The following OSBPL10 variants were observed in gnomAD, a reference collection of about 807,000 sequenced individuals.
The protein encoded by OSBPL10 is oxysterol binding protein like 10.
Under a neutral mutation model 81.7 loss-of-function variants are expected in OSBPL10, and 49 were observed. The observed-to-expected ratio is 0.60, with a 90% CI of 0.48 to 0.76. The LOEUF is 0.76. Ranked by LOEUF, OSBPL10 falls within the 30% of genes least tolerant of loss-of-function variation. The pLI is 0.00. For synonymous variants in OSBPL10, 419 were observed against 383.6 expected, an observed-to-expected ratio of 1.09 and a Z score of -1.08; for missense variants, 923 against 987.8, an observed-to-expected ratio of 0.93 and a Z score of 0.88.
intron 4 of OSBPL10, among the ~76,000 whole-genome samples, chr3:31,799,880 T>G (rs1699335196): frequency 6.6e-6 from 1 of 152,210 alleles, no homozygotes; most frequent in Non-Finnish European, 1.5e-5. Flanking sequence ...GGCTAATTTT[T>G]GTATTTTCAG....
chr3:31,675,618 C>T (rs1419717088), intron 8 of OSBPL10, among the ~76,000 whole-genome samples: 2 of 152,156 alleles, frequency 1.3e-5, no homozygotes, highest in Non-Finnish European at 2.9e-5. Flanking sequence ...TTTAAAGCAG[C>T]CCTCTCGATG....
chr3:31,989,575 C>G lies in OSBPL10; in HGVS notation n.298+56916G>C, dbSNP rs145325915. On this transcript the variant is annotated intron_variant and non_coding_transcript_variant, in intron 2 of 3. Transcript: ENST00000479173. The stretch of plus-strand genomic sequence containing the variant: ...AAGCTTTCATTCGCATCTTCCTGAA[C>G]TCCACATATTTCAGACCAAAGGGAA... The G allele has an allele frequency of 9.0e-5, 146 of 1,614,102 alleles. 2 individuals are homozygous for G. In the Middle Eastern group the frequency reaches 4.6e-3, roughly 51 times the overall value.
intron 10 of OSBPL10, among the ~76,000 whole-genome samples, chr3:31,667,595 T>A (rs776620784): frequency 1.3e-5 from 2 of 152,220 alleles, no homozygotes; most frequent in African/African-American, 2.4e-5. Flanking sequence ...TAACCCTGCA[T>A]CGTATTTCTA....
chr3:31,990,220 G>A (rs368691892), intron 2 of OSBPL10: 1 of 1,612,408 alleles, frequency 6.2e-7, no homozygotes, highest in Non-Finnish European at 8.5e-7. Context: ...AGCCTTTAGT[G>A]GGCAGTCAAC....
intron 1 of OSBPL10, among the ~76,000 whole-genome samples, chr3:31,972,004 TGG>T (rs1487789162): frequency 1.3e-5 from 2 of 152,150 alleles, no homozygotes; most frequent in Non-Finnish European, 2.9e-5. Context: ...CAAAAATATT[TGG>T]GGTATAAAAA....
At chr3:31,683,264 C>T (rs1176949449) in intron 8 of OSBPL10, among the ~76,000 whole-genome samples, 2 of 152,210 alleles carry the variant, frequency 1.3e-5, no homozygotes, top group African/African-American at 2.4e-5. Context: ...TGAGCCAGAA[C>T]ACCGGTGAGA....
chr3:32,005,579 G>C (rs1699197620), intron 2 of OSBPL10, among the ~76,000 whole-genome samples: 1 of 151,988 alleles, frequency 6.6e-6, no homozygotes, highest in South Asian at 2.1e-4. Flanking sequence ...TTAATGTTTT[G>C]GGTTTTTTTT....
chr3:31,964,713 G>A (rs1397460610), intron 1 of OSBPL10, among the ~76,000 whole-genome samples: 1 of 152,072 alleles, frequency 6.6e-6, no homozygotes, highest in African/African-American at 2.4e-5. Flanking sequence ...CAACACCCTG[G>A]CCTGAAATAC....
chr3:31,976,842 T>C (rs774455316), intron 1 of OSBPL10, among the ~76,000 whole-genome samples: 2 of 152,182 alleles, frequency 1.3e-5, no homozygotes, highest in African/African-American at 2.4e-5. Context: ...AAAAAAAGAA[T>C]TGAAGGTTGG....
chr3:31,902,658 G>A (rs1308526309), intron 1 of OSBPL10, among the ~76,000 whole-genome samples: 3 of 151,990 alleles, frequency 2.0e-5, no homozygotes, highest in Non-Finnish European at 4.4e-5. Context: ...CACCTCCCAG[G>A]TTCACGCCAT....
intron 1 of OSBPL10, among the ~76,000 whole-genome samples, chr3:31,948,925 G>T (rs568218860): frequency 9.2e-5 from 14 of 152,266 alleles, no homozygotes; most frequent in African/African-American, 3.4e-4. Context: ...CCAGAGTAGC[G>T]AAATTAACTT....
chr3:32,033,292 T>G (rs1322092547), intron 2 of OSBPL10, among the ~76,000 whole-genome samples: 2 of 152,204 alleles, frequency 1.3e-5, no homozygotes, highest in East Asian at 3.8e-4. Context: ...AAGTCTTATT[T>G]TTTAGTACCT....
intron 8 of OSBPL10, among the ~76,000 whole-genome samples, chr3:31,676,115 C>T (rs1340987092): frequency 6.6e-6 from 1 of 151,908 alleles, no homozygotes; most frequent in Non-Finnish European, 1.5e-5. Flanking sequence ...GGTAAAATTT[C>T]CCCCAAGTCC....
chr3:32,042,652 C>T (rs1699589457), intron 2 of OSBPL10, among the ~76,000 whole-genome samples: 1 of 152,138 alleles, frequency 6.6e-6, no homozygotes, highest in Admixed American at 6.6e-5. Flanking sequence ...AGGAATTTTA[C>T]AGCTGGGTCA....
At chr3:31,823,779 TC>T in intron 4 of OSBPL10, among the ~76,000 whole-genome samples, 1 of 152,232 alleles carries the variant, frequency 6.6e-6, no homozygotes, top group South Asian at 2.1e-4. Context: ...ACATCTCCAT[TC>T]ATACTGTGCA....
At chr3:32,041,684 G>A (rs1699577715) in intron 2 of OSBPL10, among the ~76,000 whole-genome samples, 1 of 150,888 alleles carries the variant, frequency 6.6e-6, no homozygotes, top group Non-Finnish European at 1.5e-5. Flanking sequence ...TTTTTTGACA[G>A]AGTCTTGCTG....
At chr3:31,781,852 C>G (rs962778752) in intron 4 of OSBPL10, among the ~76,000 whole-genome samples, 3 of 152,050 alleles carry the variant, frequency 2.0e-5, no homozygotes, top group Admixed American at 1.3e-4. Flanking sequence ...AGATGGATGG[C>G]ATCGATATTG....
At chr3:32,052,617 G>A (rs546057353) in intron 1 of OSBPL10, among the ~76,000 whole-genome samples, 1 of 152,280 alleles carries the variant, frequency 6.6e-6, no homozygotes, top group African/African-American at 2.4e-5. Flanking sequence ...GGAATACCAT[G>A]CAGCCATAAA....
chr3:32,058,357 G>T (rs1454949181), intron 1 of OSBPL10, among the ~76,000 whole-genome samples: 4 of 152,092 alleles, frequency 2.6e-5, no homozygotes, highest in Non-Finnish European at 5.9e-5. Context: ...TTGAGACAGA[G>T]TTTTGCTCTG....
Sources: allele counts gnomAD v4.1 joint callset (sites outside exome capture counted in the v4.1 genomes callset), GRCh38; gene constraint gnomAD v4.1.1; transcripts MANE v1.5; gene names NCBI Gene and HGNC (gene_info 2026-07-23, HGNC 2026-07-21).